HMCN2: variants seen among roughly 807,000 people sequenced by gnomAD.
The protein encoded by HMCN2 is hemicentin-2.
Under a neutral mutation model 377.5 loss-of-function variants are expected in HMCN2, and 325 were observed. The ratio of observed to expected loss-of-function variants is 0.86; its 90% CI spans 0.79 to 0.94. The LOEUF (loss-of-function observed/expected upper bound fraction) is 0.94. Ranked by LOEUF, HMCN2 falls within the 40% of genes least tolerant of loss-of-function variation. The pLI is 0.00. For synonymous variants in HMCN2, 2,007 were observed against 2,046.8 expected (o/e 0.98, Z 0.53); for missense variants, 4,543 against 4,725.3 (o/e 0.96, Z 1.13).
Position 130,384,753 on chromosome 9 carries a change from A to G in HMCN2, c.9061A>G (p.Asn3021Asp). 3.8e-6 allele frequency: 5 copies of G among 1,303,250 alleles called. No individual in the cohort carries two copies. The highest frequency in any genetic ancestry group is 1.2e-5 in the South Asian group (1 of 81,026). The allele number at this position is 1,303,250 out of a possible 1,614,324, so 80.7% of individuals were successfully genotyped here. Residue 3021 changes from asparagine (N) to aspartate (D), a missense_variant, in exon 59 of 98, where the codon AAT becomes GAT. Physicochemically the swap from Asn to Asp is conservative, Grantham distance 23 (BLOSUM62 1). Transcript: ENST00000683500. ...DSGMYTCEALNAAGRDQKLVQ... is the reference protein window; with the variant it reads ...DSGMYTCEALDAAGRDQKLVQ... ...CGGGATGTACACATGCGAAGCCCTCAATGCTGCCGGCCGAGACCAGAAGCT... is the reference window on the plus strand; with the variant it reads ...CGGGATGTACACATGCGAAGCCCTCGATGCTGCCGGCCGAGACCAGAAGCT...
chr9:130,306,687 G>C (rs1298374393), intron 12 of HMCN2, 124 bp from the exon 13 acceptor site: 1 of 386,322 alleles, frequency 2.6e-6, no homozygotes, highest in Non-Finnish European at 5.5e-6. Flanking sequence ...CTTAGCACAG[G>C]CCTAGAGCAA....
At chr9:130,420,480 C>T (rs1843944819) in intron 86 of HMCN2, among the ~76,000 whole-genome samples, 1 of 152,020 alleles carries the variant, frequency 6.6e-6, no homozygotes, top group African/African-American at 2.4e-5. Flanking sequence ...AAAAACAAAA[C>T]AAAACAAAAC....
Position 130,286,191 on chromosome 9 carries a change from G to A in HMCN2, c.493G>A (p.Val165Ile), listed in dbSNP as rs571838971. 50 of 470,898 alleles carry A rather than the reference G, an allele frequency of 1.1e-4. No individual in the cohort carries two copies. Among genetic ancestry groups the A allele is most frequent in the South Asian group, 3.1e-4 (20 of 64,544 alleles). 29.2% of individuals were successfully genotyped at this position (470,898 alleles called of 1,614,324 possible). Reference sequence around the variant, plus strand: ...AGGCTGCACGTCCATCTTCCAGGTGGTCTTTGTGCTGACGGGGGACTGTGG... The same window carrying A: ...AGGCTGCACGTCCATCTTCCAGGTGATCTTTGTGCTGACGGGGGACTGTGG... ...RLLQLKQSQVVFVLTGDCGDR... is the reference protein window; with the variant it reads ...RLLQLKQSQVIFVLTGDCGDR... Residue 165 changes from valine to isoleucine, a missense_variant, in exon 4 of 98, where the codon GTC becomes ATC. Physicochemically the swap from Val to Ile is conservative, Grantham distance 29. Transcript: ENST00000683500.
rs1312773975 is a variant in HMCN2 at position 130,394,711 on chromosome 9, G to A, written c.10692+136G>A. On this transcript the variant is annotated intron_variant, in intron 69 of 97. Coordinates refer to ENST00000683500, the MANE Select transcript of HMCN2 (RefSeq NM_001291815.2). This position sits in a 1 kb window ranked among gnomAD's most constrained non-coding sequence, Gnocchi z 5.1. ...CTGTGTGGGGTGTGAGGGTGTGGAG[G>A]TGACCCACCTTGGCCGTGCCCTTGG... 4 of 719,006 alleles carry A rather than the reference G, an allele frequency of 5.6e-6. No individual in the cohort carries two copies. The East Asian group carries it at 2.7e-4, about 48-fold the overall frequency. The allele number at this position is 719,006 out of a possible 1,614,324, so 44.5% of individuals were successfully genotyped here.
At chr9:130,285,990 C>T (rs1324987343) in intron 3 of HMCN2, among the ~76,000 whole-genome samples, 198 bp from the exon 4 acceptor site, 2 of 152,170 alleles carry the variant, frequency 1.3e-5, no homozygotes, top group African/African-American at 4.8e-5. Context: ...GAGCATTTGT[C>T]CTGCATCAGC....
At chr9:130,346,108 C>T (rs1308056680) in intron 25 of HMCN2, among the ~76,000 whole-genome samples, 1 of 152,070 alleles carries the variant, frequency 6.6e-6, no homozygotes, top group Non-Finnish European at 1.5e-5. Context: ...GTGGGAGTGA[C>T]GTGCCGATCT....
At chr9:130,421,929 C>T (rs1265388487) in intron 86 of HMCN2, among the ~76,000 whole-genome samples, 1 of 152,252 alleles carries the variant, frequency 6.6e-6, no homozygotes, top group Non-Finnish European at 1.5e-5. Context: ...ACTTCTGTCT[C>T]TCGCCCCCTG....
chr9:130,293,279 GTTTTTTTTT>G (rs71387339), intron 4 of HMCN2, among the ~76,000 whole-genome samples: 12 of 57,126 alleles, frequency 2.1e-4, no homozygotes, highest in African/African-American at 4.5e-4. Flanking sequence ...ACTCACTAAA[GTTTTTTTTT>G]TTTTTTTTTT....
At chr9:130,321,600 C>T (rs1020174114) in intron 18 of HMCN2, among the ~76,000 whole-genome samples, 187 bp from the exon 19 acceptor site, 7 of 152,132 alleles carry the variant, frequency 4.6e-5, no homozygotes, top group African/African-American at 1.7e-4. Flanking sequence ...CCTGCAGGGT[C>T]TCTGGAGGGC....
intron 4 of HMCN2, among the ~76,000 whole-genome samples, chr9:130,288,922 C>T (rs954827012): frequency 6.6e-6 from 1 of 152,190 alleles, no homozygotes; most frequent in African/African-American, 2.4e-5. Context: ...AGGCAGGCAA[C>T]GTGGCCCCTT....
Position 130,307,566 on chromosome 9 carries a change from G to C in HMCN2, c.2200G>C (p.Gly734Arg), listed in dbSNP as rs1024656048. 2.3e-5 allele frequency: 11 copies of C among 471,046 alleles called. No individual in the cohort carries two copies. The highest frequency in any genetic ancestry group is 4.0e-5 in the African/African-American group (2 of 50,070). 29.2% of individuals were successfully genotyped at this position (471,046 alleles called of 1,614,324 possible). A position where few individuals can be genotyped will look rare whatever the true frequency, so the allele number is the denominator to read the frequency against. ...CCCGCCCCGAGTCATCTGGTATCGA[G>C]GTGTGTTGGTGGGGAGGGGCCCTGA... ...VPPPRVIWYRGGLEMILAPEG... is the reference protein window; with the variant it reads ...VPPPRVIWYRRGLEMILAPEG... The change falls in exon 14 of 98, where the codon GGG (glycine) becomes CGG (arginine). Residue 734 changes from glycine (G) to arginine (R), a missense_variant and splice_region_variant. Gly to Arg is a moderately radical substitution (Grantham distance 125, BLOSUM62 -2). Coordinates refer to ENST00000683500, the MANE Select transcript of HMCN2 (RefSeq NM_001291815.2).
chr9:130,401,097 C>T (rs1402838631), intron 77 of HMCN2, 150 bp downstream of exon 77: 6 of 596,858 alleles, frequency 1.0e-5, no homozygotes, highest in Non-Finnish European at 1.2e-5. Context: ...ACCCTCTCGC[C>T]CTCTCTGAGC....
rs1053876141 is a variant in HMCN2, at chr9:130,369,198, A to G, written c.6788-372A>G. On this transcript the variant is annotated intron_variant, in intron 44 of 97. Transcript: ENST00000683500. This position sits in a 1 kb window ranked among gnomAD's most constrained non-coding sequence, Gnocchi z 4.5. ...CAGCCTGGTAAAAATCCTGCTAGAAAATAAAACCAGGAACAGTGCTGTTCA... is the reference window on the plus strand; with the variant it reads ...CAGCCTGGTAAAAATCCTGCTAGAAGATAAAACCAGGAACAGTGCTGTTCA... Among the ~76,000 whole-genome samples the G allele has an allele frequency of 2.6e-4, 40 of 152,232 alleles. No individual in the cohort carries two copies. The highest frequency in any genetic ancestry group is 9.4e-4 in the African/African-American group (39 of 41,460).
intron 19 of HMCN2, 33 bp from the exon 20 acceptor site, chr9:130,325,562 G>A (rs1209056610): frequency 6.6e-6 from 1 of 152,260 alleles, no homozygotes; most frequent in Non-Finnish European, 1.5e-5. Context: ...GCTGCAATGA[G>A]CCTTGGCTTT....
chr9:130,313,313 G>T (rs2131374754), intron 15 of HMCN2, among the ~76,000 whole-genome samples: 1 of 150,144 alleles, frequency 6.7e-6, no homozygotes, highest in African/African-American at 2.4e-5. Context: ...TGGGGCATAG[G>T]AAGGGAGGCA....
intron 25 of HMCN2, among the ~76,000 whole-genome samples, chr9:130,343,747 C>T (rs1025434320): frequency 1.3e-5 from 2 of 152,256 alleles, no homozygotes. Flanking sequence ...AGCACTGCCT[C>T]TCCCCACCAG....
Position 130,427,303 on chromosome 9 carries a change from T to C in HMCN2, c.13880-10T>C, listed in dbSNP as rs1461791531. 7 of 1,550,470 alleles carry C rather than the reference T, an allele frequency of 4.5e-6. No individual in the cohort carries two copies. The Admixed American group carries it at 9.8e-5, about 22-fold the overall frequency. On this transcript the variant is annotated splice_polypyrimidine_tract_variant and intron_variant, in intron 90 of 97. Transcript: ENST00000683500. ...TCATGTCCTTAGAGTCTATCCTCTT[T>C]GCTTTGCAGAGGAGAACGAGGTCGG...
In HMCN2 at chr9:130,433,940, G is replaced by T; in HGVS notation, c.*247G>T. ...AGTCCCGCAGGCAGGGCCCGGGGAA[G>T]CCCGGATCAGACCTCCAGGTCTGAT... is the stretch of plus-strand genomic sequence containing the variant. On this transcript the variant is annotated 3_prime_UTR_variant, in exon 98 of 98. Transcript: ENST00000683500. 1 of 439,544 alleles carries T rather than the reference G, an allele frequency of 2.3e-6. No individual in the cohort carries two copies. The highest frequency in any genetic ancestry group is 4.0e-6 in the Non-Finnish European group (1 of 251,560). The allele number at this position is 439,544 out of a possible 1,614,324, so 27.2% of individuals were successfully genotyped here.
chr9:130,360,886 C>T lies in HMCN2; in HGVS notation c.5950+282C>T, dbSNP rs1840353051. On this transcript the variant is annotated intron_variant, in intron 38 of 97. Coordinates refer to ENST00000683500, the MANE Select transcript of HMCN2 (RefSeq NM_001291815.2). This position sits in a 1 kb window ranked among gnomAD's most constrained non-coding sequence, Gnocchi z 4.7. Reference sequence around the variant, plus strand: ...CCATCAACTCATCTATCCATCCATCCATCCATCCATCTCTCATCCATCCAT... The same window carrying T: ...CCATCAACTCATCTATCCATCCATCTATCCATCCATCTCTCATCCATCCAT... 6.6e-6 allele frequency among the ~76,000 whole-genome samples: 1 copy of T among 151,848 alleles called. No individual in the cohort carries two copies. Among genetic ancestry groups the T allele is most frequent in the Non-Finnish European group, 1.5e-5 (1 of 67,928 alleles).
Sources: allele counts gnomAD v4.1 joint callset (sites outside exome capture counted in the v4.1 genomes callset), GRCh38; gene constraint gnomAD v4.1.1; non-coding constraint Gnocchi (gnomAD v3.1); transcripts MANE v1.5; gene names NCBI Gene and HGNC (gene_info 2026-07-23, HGNC 2026-07-21).